ZMIZ1: variants seen among roughly 807,000 people sequenced by gnomAD.
ZMIZ1 encodes zinc finger MIZ-type containing 1, also known as zinc finger MIZ domain-containing protein 1.
Under a neutral mutation model 113.9 loss-of-function variants are expected in ZMIZ1, and 17 were observed. The observed-to-expected ratio is 0.15, with a 90% confidence interval of 0.10 to 0.22. The LOEUF is 0.22. Among genes scored for constraint, ZMIZ1 ranks in the 10% least tolerant of loss-of-function variants. The pLI is 1.00. For synonymous variants in ZMIZ1, 607 were observed against 603.1 expected, an observed-to-expected ratio of 1.01 and a Z score of -0.09; for missense variants, 1,059 against 1,477.8, an observed-to-expected ratio of 0.72 and a Z score of 4.65.
intron 7 of ZMIZ1, 27 bp downstream of exon 7, chr10:79,216,301 T>A: frequency 6.4e-7 from 1 of 1,564,098 alleles, no homozygotes. Context: ...GACTCTGCGA[T>A]GTCACTGGGA....
At chr10:79,175,764 A>T (rs1445080970) in intron 4 of ZMIZ1, among the ~76,000 whole-genome samples, 1 of 151,784 alleles carries the variant, frequency 6.6e-6, no homozygotes, top group Non-Finnish European at 1.5e-5. Flanking sequence ...CAGGAAGGCA[A>T]CCTGCAGCCA....
intron 10 of ZMIZ1, among the ~76,000 whole-genome samples, 182 bp downstream of exon 10, chr10:79,291,358 G>T (rs774337414): frequency 6.6e-6 from 1 of 152,262 alleles, no homozygotes; most frequent in African/African-American, 2.4e-5. Flanking sequence ...CAGATAAGGC[G>T]CTGCAGCAGT....
At chr10:79,301,937 G>A (rs533131285) in intron 17 of ZMIZ1, among the ~76,000 whole-genome samples, 170 bp from the exon 18 acceptor site, 7 of 152,168 alleles carry the variant, frequency 4.6e-5, no homozygotes, top group Non-Finnish European at 1.0e-4. Flanking sequence ...CTGCAGCAGA[G>A]GCAGCCTTTC....
chr10:79,298,617 T>A (rs369824415), intron 15 of ZMIZ1, 37 bp downstream of exon 15: 2 of 1,557,886 alleles, frequency 1.3e-6, no homozygotes, highest in Non-Finnish European at 1.7e-6. Context: ...CAGCTCCACC[T>A]GGGCCCCCCA....
intron 5 of ZMIZ1, 31 bp from the exon 6 acceptor site, chr10:79,208,305 G>A: frequency 6.2e-7 from 1 of 1,603,102 alleles, no homozygotes. Flanking sequence ...CACTCTTGGA[G>A]CCTCAGCCGC....
In ZMIZ1 at chr10:79,298,310, C is replaced by G. The variant is rs1410161227; in HGVS notation, c.1492-96C>G. 3 of 1,387,050 alleles carry G rather than the reference C, an allele frequency of 2.2e-6. No individual in the cohort carries two copies. In the African/African-American group the frequency reaches 4.5e-5, roughly 21 times the overall value. 85.9% of individuals were successfully genotyped at this position (1,387,050 alleles called of 1,614,324 possible). The stretch of plus-strand genomic sequence containing the variant: ...GGCTCTCCTCCCGAGGGGCATGGCT[C>G]CAGGCCCCTGGGATGAGTGCGGTGT... On this transcript the variant is annotated intron_variant, in intron 14 of 24. Coordinates refer to ENST00000334512, the MANE Select transcript of ZMIZ1 (RefSeq NM_020338.4).
intron 7 of ZMIZ1, among the ~76,000 whole-genome samples, chr10:79,233,720 C>T (rs1310133425): frequency 1.5e-5 from 2 of 135,252 alleles, no homozygotes; most frequent in East Asian, 2.6e-4. Flanking sequence ...CCTTCCCTTT[C>T]AAATTCATCA....
intron 4 of ZMIZ1, among the ~76,000 whole-genome samples, chr10:79,187,842 C>T (rs1336198478): frequency 6.6e-6 from 1 of 152,150 alleles, no homozygotes; most frequent in Non-Finnish European, 1.5e-5. Context: ...AGCCGGAACC[C>T]GCGCAGTCTG....
intron 4 of ZMIZ1, among the ~76,000 whole-genome samples, chr10:79,189,464 C>T (rs774875627): frequency 2.6e-5 from 4 of 152,196 alleles, no homozygotes; most frequent in Non-Finnish European, 5.9e-5. Flanking sequence ...AGTCACTAAC[C>T]CAGTGAATCA....
intron 7 of ZMIZ1, among the ~76,000 whole-genome samples, chr10:79,265,236 G>C (rs1299258093): frequency 6.6e-6 from 1 of 152,108 alleles, no homozygotes; most frequent in African/African-American, 2.4e-5. Flanking sequence ...AGGCCAGACT[G>C]GACCACAGGA....
intron 4 of ZMIZ1, among the ~76,000 whole-genome samples, chr10:79,197,164 G>A (rs1199549604): frequency 6.6e-6 from 1 of 152,252 alleles, no homozygotes; most frequent in African/African-American, 2.4e-5. Flanking sequence ...CTCCAGCTAG[G>A]AGCTGAGCCA....
Position 79,151,372 on chromosome 10 carries a change from G to A in ZMIZ1, c.-130-10681G>A, listed in dbSNP as rs925451502. ...CTTTGAATCAGCCTTTTCCCTGTGA[G>A]GGAAACATTACAGGTCAGGATTAGG... is the stretch of plus-strand genomic sequence containing the variant. On this transcript the variant is annotated intron_variant, in intron 3 of 24. Coordinates refer to ENST00000334512, the MANE Select transcript of ZMIZ1 (RefSeq NM_020338.4). Among the ~76,000 whole-genome samples, 4 of 152,172 alleles carry A rather than the reference G, an allele frequency of 2.6e-5. No homozygotes were observed. The South Asian group carries it at 8.3e-4, about 31-fold the overall frequency.
At chr10:79,243,917 C>T (rs1346761312) in intron 7 of ZMIZ1, among the ~76,000 whole-genome samples, 1 of 152,206 alleles carries the variant, frequency 6.6e-6, no homozygotes, top group Admixed American at 6.5e-5. Flanking sequence ...GTGGCACCGG[C>T]GTGCACCGGG....
intron 7 of ZMIZ1, among the ~76,000 whole-genome samples, chr10:79,237,927 C>T (rs1250918059): frequency 1.3e-5 from 2 of 152,214 alleles, no homozygotes; most frequent in Non-Finnish European, 2.9e-5. Flanking sequence ...GAACTTGTTT[C>T]CTGAGCCTCA....
Position 79,308,855 on chromosome 10 carries a change from G to A in ZMIZ1, c.2835+1284G>A, listed in dbSNP as rs186096574. Among the ~76,000 whole-genome samples, 115 of 152,194 alleles carry A rather than the reference G, an allele frequency of 7.6e-4. 1 individual carries two copies. The highest frequency in any genetic ancestry group is 6.8e-3 in the Middle Eastern group (2 of 294). On this transcript the variant is annotated intron_variant, in intron 23 of 24. Coordinates refer to ENST00000334512, the MANE Select transcript of ZMIZ1 (RefSeq NM_020338.4). ...TAACACTGGAATATGGAGTGCTGAT[G>A]CCGTCTATTTCCCCTTGACAATCAA...
At chr10:79,203,793 C>T (rs1564717574) in intron 5 of ZMIZ1, among the ~76,000 whole-genome samples, 1 of 152,252 alleles carries the variant, frequency 6.6e-6, no homozygotes, top group Non-Finnish European at 1.5e-5. Context: ...GTTGCCGCTT[C>T]ACTTCCCTTC....
chr10:79,078,434 A>G (rs1436681765), intron 1 of ZMIZ1, among the ~76,000 whole-genome samples: 1 of 152,072 alleles, frequency 6.6e-6, no homozygotes, highest in Non-Finnish European at 1.5e-5. Flanking sequence ...CCAGTCCCCA[A>G]AAGCAAAAGA....
chr10:79,210,156 C>T (rs1264357012), intron 6 of ZMIZ1, among the ~76,000 whole-genome samples: 1 of 152,194 alleles, frequency 6.6e-6, no homozygotes, highest in Non-Finnish European at 1.5e-5. Context: ...TCTACCCCAG[C>T]AGAGGATGGA....
At chr10:79,218,429 C>A (rs997796865) in intron 7 of ZMIZ1, among the ~76,000 whole-genome samples, 1 of 151,948 alleles carries the variant, frequency 6.6e-6, no homozygotes, top group Non-Finnish European at 1.5e-5. Context: ...GAGTCAAGAT[C>A]GAGCCACTGC....
Sources: allele counts gnomAD v4.1 joint callset (sites outside exome capture counted in the v4.1 genomes callset), GRCh38; gene constraint gnomAD v4.1.1; transcripts MANE v1.5; gene names NCBI Gene and HGNC (gene_info 2026-07-23, HGNC 2026-07-21).